PTK2: variants seen among roughly 807,000 people sequenced by gnomAD.
PTK2 encodes the protein protein tyrosine kinase 2.
A neutral mutation model predicts 150.1 loss-of-function variants in PTK2; 45 were observed. That is an observed-to-expected ratio of 0.30 (90% CI 0.24 to 0.38). The LOEUF (loss-of-function observed/expected upper bound fraction) is 0.38. PTK2 is among the 10% of genes least tolerant of loss of function. PTK2 has a pLI of 1.00. For missense variants in PTK2, 919 were observed against 1,307.3 expected (o/e 0.70, Z 4.58); for synonymous variants, 432 against 449.2 (o/e 0.96, Z 0.48).
At chr8:140,913,272 C>T (rs1218465788) in intron 2 of PTK2, among the ~76,000 whole-genome samples, 1 of 150,980 alleles carries the variant, frequency 6.6e-6, no homozygotes, top group African/African-American at 2.4e-5. Flanking sequence ...TTTCTATATA[C>T]TAGGCCAAGA....
exon 32 of PTK2, chr8:140,659,357 G>T: frequency 1.2e-6 from 1 of 861,140 alleles, no homozygotes; most frequent in Non-Finnish European, 1.7e-6. Flanking sequence ...CAAAAAAGTT[G>T]GAGCTGTAAG....
At chr8:140,955,503 G>A (rs762133695) in intron 1 of PTK2, among the ~76,000 whole-genome samples, 4 of 152,096 alleles carry the variant, frequency 2.6e-5, no homozygotes, top group Non-Finnish European at 5.9e-5. Flanking sequence ...GTCTTTATTA[G>A]CAGTGTGAGA....
At chr8:140,697,743 T>A (rs1368791084) in intron 26 of PTK2, among the ~76,000 whole-genome samples, 2 of 152,072 alleles carry the variant, frequency 1.3e-5, no homozygotes, top group Non-Finnish European at 2.9e-5. Context: ...CATTCATATA[T>A]ATTTCTGTTC....
chr8:140,852,931 A>T (rs1440793705), intron 5 of PTK2, among the ~76,000 whole-genome samples: 1 of 152,190 alleles, frequency 6.6e-6, no homozygotes, highest in African/African-American at 2.4e-5. Flanking sequence ...GTCTGATAAG[A>T]GTGCTTCTGC....
At chr8:140,857,694 A>G (rs1166885129) in intron 5 of PTK2, among the ~76,000 whole-genome samples, 1 of 152,200 alleles carries the variant, frequency 6.6e-6, no homozygotes, top group Non-Finnish European at 1.5e-5. Flanking sequence ...AGGACTGACC[A>G]CTTCTCCTTA....
At chr8:140,809,641 C>CA (rs1224659555) in intron 10 of PTK2, among the ~76,000 whole-genome samples, 1 of 151,840 alleles carries the variant, frequency 6.6e-6, no homozygotes, top group Admixed American at 6.6e-5. Context: ...CCCCTCTCTA[C>CA]AAAAAAATAC....
At chr8:140,863,646 G>A (rs2100137565) in intron 5 of PTK2, among the ~76,000 whole-genome samples, 1 of 152,100 alleles carries the variant, frequency 6.6e-6, no homozygotes, top group South Asian at 2.1e-4. Context: ...TCTATACTGG[G>A]TCAGCAGACT....
At chr8:140,838,424 A>G (rs1285142953) in intron 7 of PTK2, among the ~76,000 whole-genome samples, 3 of 152,190 alleles carry the variant, frequency 2.0e-5, no homozygotes, top group African/African-American at 4.8e-5. Context: ...ACATCCTCTC[A>G]GCCAGGCCAC....
At chr8:140,700,128 T>A (rs774623295) in intron 26 of PTK2, among the ~76,000 whole-genome samples, 1 of 152,218 alleles carries the variant, frequency 6.6e-6, no homozygotes, top group Non-Finnish European at 1.5e-5. Context: ...TAATGTATAA[T>A]GTTCAGCATA....
At chr8:140,762,475 G>C (rs945431817) in intron 15 of PTK2, 87 bp from the exon 18 acceptor site, 4 of 557,966 alleles carry the variant, frequency 7.2e-6, no homozygotes, top group Non-Finnish European at 7.1e-6. Flanking sequence ...AACTTGAAGA[G>C]AATATTTCAA....
chr8:140,770,839 C>G, intron 14 of PTK2, 40 bp from the exon 15 acceptor site: 1 of 1,032,014 alleles, frequency 9.7e-7, no homozygotes, highest in South Asian at 1.6e-5. Flanking sequence ...AAAATAGAAA[C>G]AAATTATTTC....
chr8:140,863,722 G>T (rs2100137626), intron 5 of PTK2, among the ~76,000 whole-genome samples: 1 of 152,174 alleles, frequency 6.6e-6, no homozygotes. Flanking sequence ...AGCAACTGAT[G>T]ACAGGAATCC....
At chr8:140,890,339 A>T (rs541919910) in intron 3 of PTK2, 1 of 477,856 alleles carries the variant, frequency 2.1e-6, no homozygotes, top group South Asian at 4.4e-5. Flanking sequence ...TTCAGTCATT[A>T]TTTTTCTAAG....
intron 22 of PTK2, among the ~76,000 whole-genome samples, chr8:140,727,114 A>G (rs994380157): frequency 6.6e-6 from 1 of 152,324 alleles, no homozygotes. Flanking sequence ...TTTGAGAAAA[A>G]GGTTAAGGCA....
At chr8:140,888,677 T>C (rs1479576043) in intron 3 of PTK2, among the ~76,000 whole-genome samples, 2 of 152,228 alleles carry the variant, frequency 1.3e-5, no homozygotes, top group African/African-American at 4.8e-5. Flanking sequence ...ATGGTAGTAA[T>C]CCCCTTACAT....
chr8:140,672,017 C>T, intron 29 of PTK2: 1 of 356,044 alleles, frequency 2.8e-6, no homozygotes, highest in South Asian at 2.1e-5. Context: ...CATACCCTAT[C>T]CTAATTGTAT....
At position 140,738,953 on chromosome 8, in the gene PTK2, A is replaced by ATT. The variant is rs11464275; in HGVS notation, c.1825+63_1825+64dup. On this transcript the variant is annotated intron_variant, in intron 21 of 31. Coordinates refer to ENST00000522684, the Ensembl canonical transcript of PTK2. ...AACCTACATATTCCAAAAAGAGATA[A>ATT]TTTTTTTTTGTATAACATATGAAAT... 2.0e-3 allele frequency: 2,127 copies of ATT among 1,074,914 alleles called. 2 individuals are homozygous for ATT. The highest frequency in any genetic ancestry group is 3.9e-3 in the South Asian group (185 of 47,360). 66.6% of individuals were successfully genotyped at this position (1,074,914 alleles called of 1,614,324 possible). A position where few individuals can be genotyped will look rare whatever the true frequency, so the allele number is the denominator to read the frequency against.
intron 1 of PTK2, chr8:140,954,824 T>C (rs1389938792): frequency 1.3e-5 from 2 of 152,102 alleles, no homozygotes; most frequent in African/African-American, 4.8e-5. Context: ...CTCTTTCCAT[T>C]GCAGTCAGAG....
intron 1 of PTK2, among the ~76,000 whole-genome samples, chr8:140,961,365 A>C (rs74307143): frequency 0.016 from 2,441 of 152,230 alleles, 49 homozygotes; most frequent in East Asian, 0.095. Context: ...GTTTCCTTTA[A>C]GATTTGGTAC....
Sources: allele counts gnomAD v4.1 joint callset (sites outside exome capture counted in the v4.1 genomes callset), GRCh38; gene constraint gnomAD v4.1.1; transcripts MANE v1.5; gene names NCBI Gene and HGNC (gene_info 2026-07-23, HGNC 2026-07-21).